Variants in SYNE2 observed in about 807,000 individuals in gnomAD.
SYNE2 encodes the protein spectrin repeat containing nuclear envelope protein 2, also known as nesprin-2.
Under a neutral mutation model 856.3 loss-of-function variants are expected in SYNE2, and 431 were observed. That is an observed-to-expected ratio of 0.50 (90% confidence interval 0.47 to 0.55). The LOEUF is 0.55. SYNE2 is among the 20% of genes least tolerant of loss of function. SYNE2 has a pLI of 0.00. For missense variants in SYNE2, 8,129 were observed against 8,023.2 expected, an observed-to-expected ratio of 1.01 and a Z score of -0.50; for synonymous variants, 2,923 against 2,872.3, an observed-to-expected ratio of 1.02 and a Z score of -0.56.
intron 52 of SYNE2, among the ~76,000 whole-genome samples, chr14:64,073,400 C>T (rs1158053497): frequency 6.6e-6 from 1 of 152,158 alleles, no homozygotes; most frequent in Non-Finnish European, 1.5e-5. Context: ...GAACAAAAGA[C>T]TCTCCTAGCT....
intron 99 of SYNE2, among the ~76,000 whole-genome samples, chr14:64,194,301 T>TCTC (rs1555538556): frequency 2.8e-5 from 4 of 144,876 alleles, no homozygotes; most frequent in African/African-American, 1.0e-4. Context: ...CTTTTCTTCT[T>TCTC]TTTTTTTTTG....
chr14:64,167,660 A>AC (rs777279784), intron 92 of SYNE2, 21 bp downstream of exon 92: 1 of 1,614,132 alleles, frequency 6.2e-7, no homozygotes, highest in Non-Finnish European at 8.5e-7. Context: ...GTTCTCTGCC[A>AC]CCCTTGAACC....
rs760471782 is a variant in SYNE2 at position 64,132,457 on chromosome 14, CGTT to C, written c.14514+22_14514+24del. 6.2e-7 allele frequency: 1 copy of C among 1,613,922 alleles called. No homozygotes were observed. Among genetic ancestry groups the C allele is most frequent in the African/African-American group, 1.3e-5 (1 of 74,910 alleles). ...GTTGCAGGTATTTGGGTTATGTAAA[CGTT>C]GTACTGAAGCTGGGAATTGCTGATT... On this transcript the variant is annotated intron_variant, in intron 77 of 115. Coordinates refer to ENST00000555002, the MANE Select transcript of SYNE2 (RefSeq NM_182914.3).
chr14:63,799,250 C>T (rs549289751), intron 1 of SYNE2, among the ~76,000 whole-genome samples: 10 of 151,930 alleles, frequency 6.6e-5, no homozygotes, highest in Admixed American at 5.2e-4. Flanking sequence ...GGCTAATTTT[C>T]GTATTTTTAG....
intron 18 of SYNE2, among the ~76,000 whole-genome samples, chr14:63,985,903 G>A (rs1162909474): frequency 6.6e-6 from 1 of 152,140 alleles, no homozygotes; most frequent in Non-Finnish European, 1.5e-5. Context: ...AGCCACTCAG[G>A]AGGCTGAGGT....
At chr14:64,035,605 T>G (rs1305000097) in intron 45 of SYNE2, among the ~76,000 whole-genome samples, 5 of 150,232 alleles carry the variant, frequency 3.3e-5, no homozygotes, top group Non-Finnish European at 7.4e-5. Flanking sequence ...AAAAAGACCT[T>G]AGAAATTGTC....
chr14:63,877,946 A>G (rs1009821011), intron 1 of SYNE2, among the ~76,000 whole-genome samples: 13 of 150,828 alleles, frequency 8.6e-5, no homozygotes, highest in Non-Finnish European at 1.3e-4. Context: ...GGAGTGCAGT[A>G]GTATCATCAT....
In SYNE2 at chr14:64,204,936, T is replaced by C. The variant is rs142774184; in HGVS notation, c.18201+1973T>C. On this transcript the variant is annotated intron_variant, in intron 100 of 115. Transcript: ENST00000555002. ...GAATCCATTTTTTTGCTTTTCCTGG[T>C]TTTTAGAGGCCACCCACATTGCTTG... Among the ~76,000 whole-genome samples the C allele has an allele frequency of 2.0e-3, 309 of 152,224 alleles. 6 individuals carry two copies. The highest frequency in any genetic ancestry group is 0.018 in the East Asian group (91 of 5,172).
chr14:63,990,101 C>T (rs2096655614), intron 19 of SYNE2, among the ~76,000 whole-genome samples: 2 of 152,202 alleles, frequency 1.3e-5, no homozygotes, highest in South Asian at 4.1e-4. Context: ...ACTACTTTGA[C>T]ATAGAACAAG....
Position 63,876,358 on chromosome 14 carries a change from C to T in SYNE2, c.-52+23215C>T, listed in dbSNP as rs542385579. On this transcript the variant is annotated intron_variant, in intron 1 of 115. Coordinates refer to ENST00000555002, the MANE Select transcript of SYNE2 (RefSeq NM_182914.3). Reference sequence around the variant, plus strand: ...GTTCAAGGCTGTAGTAAGCTATGATCATACTGCTAAACTCCAGCCTGGGTG... The same window carrying T: ...GTTCAAGGCTGTAGTAAGCTATGATTATACTGCTAAACTCCAGCCTGGGTG... 4.0e-5 allele frequency among the ~76,000 whole-genome samples: 6 copies of T among 151,898 alleles called. 1 individual carries two copies. Among genetic ancestry groups the T allele is most frequent in the Admixed American group, 3.9e-4 (6 of 15,242 alleles).
intron 8 of SYNE2, among the ~76,000 whole-genome samples, chr14:63,959,091 G>A (rs1295136791): frequency 6.6e-6 from 1 of 151,950 alleles, no homozygotes; most frequent in African/African-American, 2.4e-5. Context: ...AAGGAGCCCT[G>A]GCTCTTTTTA....
intron 46 of SYNE2, 111 bp from the exon 47 acceptor site, chr14:64,049,500 G>T: frequency 1.9e-6 from 2 of 1,040,400 alleles, no homozygotes; most frequent in Non-Finnish European, 2.9e-6. Context: ...GTGCAAATGA[G>T]TTACCCTCTT....
rs1229584255 is a variant in SYNE2 at position 64,056,158 on chromosome 14, T to A, written c.9959T>A (p.Ile3320Lys). The change falls in exon 49 of 116, where the codon ATA becomes AAA. Residue 3320 changes from isoleucine (I) to lysine (K), a missense_variant. This residue lies in a region of SYNE2 where 5,410 missense variants were observed against 5,284.8 expected (regional missense o/e 1.02). Transcript: ENST00000555002. ...IQDLTEKLGMISSPEAKLQLQ... is the reference protein window; with the variant it reads ...IQDLTEKLGMKSSPEAKLQLQ... The stretch of plus-strand genomic sequence containing the variant: ...GACCTCACTGAGAAACTGGGAATGA[T>A]ATCCAGCCCCGAAGCCAAACTACAA... 1 of 1,614,134 alleles carries A rather than the reference T, an allele frequency of 6.2e-7. No individual in the cohort carries two copies.
intron 55 of SYNE2, among the ~76,000 whole-genome samples, chr14:64,079,450 G>A (rs987401018): frequency 6.6e-5 from 10 of 152,154 alleles, no homozygotes; most frequent in Admixed American, 2.0e-4. Flanking sequence ...GTCAGAGTAT[G>A]GCTCACTATT....
intron 55 of SYNE2, 50 bp downstream of exon 55, chr14:64,078,656 C>T: frequency 6.2e-7 from 1 of 1,604,654 alleles, no homozygotes; most frequent in South Asian, 1.1e-5. Flanking sequence ...CTGACCCACT[C>T]CTGCCTTGTT....
In SYNE2 at chr14:64,214,385, C is replaced by T; in HGVS notation, c.19248C>T (p.Pro6416=). 1 of 1,614,114 alleles carries T rather than the reference C, an allele frequency of 6.2e-7. No homozygotes were observed. The highest frequency in any genetic ancestry group is 2.2e-5 in the East Asian group (1 of 44,858). ...CCCCTGTCAGCGTGGACTCCATCCC[C>T]CTGGAGTGGGACCACACAGGCGACG... ...CETPVSVDSI[P]LEWDHTGDVG... is the part of the protein sequence containing the mutation. Residue 6416 remains proline (P), a synonymous_variant, in exon 106 of 116, where the codon CCC becomes CCT. Coordinates refer to ENST00000555002, the MANE Select transcript of SYNE2 (RefSeq NM_182914.3).
At chr14:63,942,317 G>T (rs1215464856) in intron 6 of SYNE2, among the ~76,000 whole-genome samples, 174 bp downstream of exon 6, 1 of 151,998 alleles carries the variant, frequency 6.6e-6, no homozygotes, top group African/African-American at 2.4e-5. Flanking sequence ...TTCTGTTATT[G>T]GTTTTTTTCT....
intron 18 of SYNE2, 99 bp downstream of exon 18, chr14:63,983,985 T>G: frequency 2.3e-6 from 2 of 860,710 alleles, no homozygotes; most frequent in Non-Finnish European, 3.6e-6. Context: ...CTCATGCCTG[T>G]AATCCCAGCA....
intron 45 of SYNE2, among the ~76,000 whole-genome samples, chr14:64,036,871 GTCTCTGT>G (rs1362672963): frequency 2.6e-5 from 4 of 152,174 alleles, no homozygotes; most frequent in Admixed American, 2.6e-4. Flanking sequence ...CATAAACATG[GTCTCTGT>G]TCTCAAAGAG....
Sources: allele counts gnomAD v4.1 joint callset (sites outside exome capture counted in the v4.1 genomes callset), GRCh38; gene constraint gnomAD v4.1.1; regional missense constraint gnomAD v4.1.1; transcripts MANE v1.5; gene names NCBI Gene and HGNC (gene_info 2026-07-23, HGNC 2026-07-21).